Variants in SLC25A21 observed in about 807,000 individuals in gnomAD.
SLC25A21 encodes the protein solute carrier family 25 member 21.
Under a neutral mutation model 43.8 loss-of-function variants are expected in SLC25A21, and 47 were observed. The observed-to-expected ratio is 1.07, with a 90% confidence interval of 0.85 to 1.37. The LOEUF is 1.37. SLC25A21 is among the 40% of genes most tolerant of loss of function. SLC25A21 has a pLI of 0.00. For synonymous variants in SLC25A21, 131 were observed against 121.3 expected (o/e 1.08, Z -0.52); for missense variants, 352 against 350.2 (o/e 1.00, Z -0.04).
chr14:37,039,520 T>A (rs373053258), intron 1 of SLC25A21, among the ~76,000 whole-genome samples: 1 of 152,224 alleles, frequency 6.6e-6, no homozygotes, highest in Non-Finnish European at 1.5e-5. Context: ...TAATACAGTA[T>A]ATACTTTTTT....
At chr14:36,896,886 TA>T in intron 1 of SLC25A21, among the ~76,000 whole-genome samples, 1 of 152,258 alleles carries the variant, frequency 6.6e-6, no homozygotes. Context: ...TGCTGGCTTG[TA>T]GAGTTTCTGC....
In SLC25A21 at chr14:36,711,359, C is replaced by T. The variant is rs1423383638; in HGVS notation, c.562G>A (p.Gly188Ser). ...ATGTTTTTGACATTGTAGTAGAAGC[C>T]AAAATAAACCATGTTGAAAACTCCA... ...RHGVFNMVYFGFYYNVKNMIP... is the reference protein window; with the variant it reads ...RHGVFNMVYFSFYYNVKNMIP... The change falls in exon 7 of 10, where the codon GGC (glycine) becomes AGC (serine). Residue 188 changes from glycine (G) to serine (S), a missense_variant. Physicochemically the swap from Gly to Ser is moderately conservative, Grantham distance 56 (BLOSUM62 0). Transcript: ENST00000331299. 6.2e-7 allele frequency: 1 copy of T among 1,614,008 alleles called. No homozygotes were observed. Among genetic ancestry groups the T allele is most frequent in the East Asian group, 2.2e-5 (1 of 44,870 alleles).
At chr14:36,771,214 C>T (rs1370242860) in intron 3 of SLC25A21, among the ~76,000 whole-genome samples, 1 of 152,046 alleles carries the variant, frequency 6.6e-6, no homozygotes, top group African/African-American at 2.4e-5. Context: ...CCTAATATTT[C>T]CTTTAATTTG....
chr14:37,082,678 T>A lies in SLC25A21; in HGVS notation c.70+89603A>T, dbSNP rs575264893. ...TTTCCTTCTTCCTTTTCCCCACCCA[T>A]CCTGAAGTACCTATTTTCCCATGTG... On this transcript the variant is annotated intron_variant, in intron 1 of 9. Coordinates refer to ENST00000331299, the MANE Select transcript of SLC25A21 (RefSeq NM_030631.4). Among the ~76,000 whole-genome samples, 7 of 152,254 alleles carry A rather than the reference T, an allele frequency of 4.6e-5. No individual in the cohort carries two copies. The South Asian group carries it at 1.5e-3, about 32-fold the overall frequency.
intron 2 of SLC25A21, among the ~76,000 whole-genome samples, chr14:36,867,790 CGTGTGTGTGTGT>C (rs10606711): frequency 3.4e-5 from 5 of 146,124 alleles, no homozygotes; most frequent in Non-Finnish European, 7.5e-5. Flanking sequence ...ACCATGCTTT[CGTGTGTGTGTGT>C]GTGTGTGTGT....
At chr14:37,010,870 A>T (rs1160538918) in intron 1 of SLC25A21, among the ~76,000 whole-genome samples, 1 of 151,802 alleles carries the variant, frequency 6.6e-6, no homozygotes, top group Non-Finnish European at 1.5e-5. Flanking sequence ...TCAGCCTCCC[A>T]AGTAGCTGGG....
chr14:36,901,244 A>T (rs1891390626), intron 1 of SLC25A21, among the ~76,000 whole-genome samples: 1 of 152,216 alleles, frequency 6.6e-6, no homozygotes, highest in Non-Finnish European at 1.5e-5. Context: ...TTCCCCAGAA[A>T]ATGTTGTGAG....
At chr14:37,098,486 G>A (rs966910969) in intron 1 of SLC25A21, 2 of 152,062 alleles carry the variant, frequency 1.3e-5, no homozygotes, top group African/African-American at 2.4e-5. Flanking sequence ...ACCTCTCTGG[G>A]CCTCAAGTCT....
chr14:36,994,035 T>A (rs530938497), intron 1 of SLC25A21, among the ~76,000 whole-genome samples: 4 of 152,162 alleles, frequency 2.6e-5, no homozygotes, highest in African/African-American at 4.8e-5. Flanking sequence ...GCAATATTAG[T>A]AACCCTAGAG....
intron 1 of SLC25A21, among the ~76,000 whole-genome samples, chr14:37,131,196 C>T (rs973733537): frequency 2.0e-5 from 3 of 152,186 alleles, no homozygotes; most frequent in African/African-American, 7.2e-5. Flanking sequence ...AAATGCCGGA[C>T]TCCCTAACTG....
intron 1 of SLC25A21, among the ~76,000 whole-genome samples, chr14:37,071,880 T>A (rs1962180048): frequency 6.6e-6 from 1 of 152,098 alleles, no homozygotes; most frequent in Admixed American, 6.5e-5. Flanking sequence ...TATACCCTTA[T>A]TCAGAGATGT....
chr14:37,034,851 G>A (rs1344162227), intron 1 of SLC25A21, among the ~76,000 whole-genome samples: 1 of 152,240 alleles, frequency 6.6e-6, no homozygotes, highest in Non-Finnish European at 1.5e-5. Flanking sequence ...AGCTCCCCAT[G>A]AGGAAGAGCA....
rs183932964 is a variant in SLC25A21 at position 36,729,793 on chromosome 14, C to A, written c.271-227G>T. 4.5e-4 allele frequency among the ~76,000 whole-genome samples: 69 copies of A among 152,250 alleles called. 1 individual carries two copies. Among genetic ancestry groups the A allele is most frequent in the Admixed American group, 6.5e-4 (10 of 15,292 alleles). ...TAACCTACAGAAGAGCTGATGAAAT[C>A]CTTTAGAGCAGTAAATGAACCATAC... On this transcript the variant is annotated intron_variant, in intron 4 of 9. Coordinates refer to ENST00000331299, the MANE Select transcript of SLC25A21 (RefSeq NM_030631.4).
intron 1 of SLC25A21, among the ~76,000 whole-genome samples, chr14:36,970,420 A>T (rs1199341769): frequency 6.6e-6 from 1 of 152,222 alleles, no homozygotes; most frequent in Non-Finnish European, 1.5e-5. Context: ...ATGCATGTAT[A>T]CACCTTTAGG....
chr14:37,001,883 A>G (rs1960497561), intron 1 of SLC25A21, among the ~76,000 whole-genome samples: 1 of 152,202 alleles, frequency 6.6e-6, no homozygotes, highest in African/African-American at 2.4e-5. Flanking sequence ...AAAATATTGT[A>G]ATCTTATCTC....
At chr14:36,817,830 G>C (rs1296340282) in intron 2 of SLC25A21, among the ~76,000 whole-genome samples, 1 of 152,118 alleles carries the variant, frequency 6.6e-6, no homozygotes, top group African/African-American at 2.4e-5. Flanking sequence ...TAATTCCCAG[G>C]TGGGTTTTCT....
At chr14:36,748,960 CTCTG>C (rs541301052) in intron 3 of SLC25A21, among the ~76,000 whole-genome samples, 11 of 152,306 alleles carry the variant, frequency 7.2e-5, no homozygotes, top group East Asian at 3.9e-4. Flanking sequence ...CCTAAGGTTT[CTCTG>C]TCTATCATGA....
rs140439931 is a variant in SLC25A21 at position 36,997,686 on chromosome 14, G to A, written c.71-122682C>T. On this transcript the variant is annotated intron_variant, in intron 1 of 9. Transcript: ENST00000331299. The stretch of plus-strand genomic sequence containing the variant: ...TCTACAAAAAATACAAAAATTAGCC[G>A]GGCATAGTGGCAGGTGCCTGTAATC... 1.0e-2 allele frequency among the ~76,000 whole-genome samples: 1,518 copies of A among 151,934 alleles called. 13 individuals are homozygous for A. Among genetic ancestry groups the A allele is most frequent in the Non-Finnish European group, 0.015 (1,038 of 67,964 alleles).
intron 3 of SLC25A21, among the ~76,000 whole-genome samples, chr14:36,747,923 C>T (rs142846077): frequency 1.3e-5 from 2 of 152,150 alleles, no homozygotes; most frequent in East Asian, 1.9e-4. Flanking sequence ...GTGTGGTGAC[C>T]GTTTGTATTT....
Sources: allele counts gnomAD v4.1 joint callset (sites outside exome capture counted in the v4.1 genomes callset), GRCh38; gene constraint gnomAD v4.1.1; transcripts MANE v1.5; gene names NCBI Gene and HGNC (gene_info 2026-07-23, HGNC 2026-07-21).